Variants in MRPS18C observed in about 807,000 individuals in gnomAD.
MRPS18C encodes mitochondrial ribosomal protein S18C.
MRPS18C carries 21 observed loss-of-function variants against 21.0 expected under a neutral mutation model. The observed-to-expected ratio is 1.00, with a 90% CI of 0.71 to 1.44. The LOEUF (loss-of-function observed/expected upper bound fraction) is 1.44, where lower values mean the gene tolerates loss of function less well. MRPS18C is among the 40% of genes most tolerant of loss of function. The probability of loss-of-function intolerance (pLI) is 0.00; values close to 1 mark genes in which losing one functional copy is unlikely to be tolerated. For synonymous variants in MRPS18C, 65 were observed against 54.3 expected (o/e 1.20, Z -0.87); for missense variants, 152 against 171.5 (o/e 0.89, Z 0.64).
At chr4:83,457,617 T>C (rs142565174) in intron 2 of MRPS18C, 1 of 152,284 alleles carries the variant, frequency 6.6e-6, no homozygotes, top group Non-Finnish European at 1.5e-5. Context: ...TAAAGGGACA[T>C]TATTTCTTTT....
At position 83,456,963 on chromosome 4, in the gene MRPS18C, G is replaced by C. The variant is rs1460047703; in HGVS notation, c.150+5G>C. On this transcript the variant is annotated splice_donor_5th_base_variant and intron_variant, in intron 2 of 5. Transcript: ENST00000295491. ...GTATCCAGCAATGAGGACCTGGTAA[G>C]AATTTTTTTTTCTATTAGTAAGGCC... 4 of 1,610,804 alleles carry C rather than the reference G, an allele frequency of 2.5e-6. No individual in the cohort carries two copies. Among genetic ancestry groups the C allele is most frequent in the Non-Finnish European group, 3.4e-6 (4 of 1,179,480 alleles).
At chr4:83,459,068 C>A (rs1721974613) in intron 3 of MRPS18C, 1 of 150,758 alleles carries the variant, frequency 6.6e-6, no homozygotes, top group South Asian at 2.1e-4. Context: ...TTTGCTTGAA[C>A]CCAGGAGGCG....
chr4:83,459,054 G>C lies in MRPS18C; in HGVS notation c.234+625G>C, dbSNP rs1409320967. 2.0e-5 allele frequency: 3 copies of C among 150,950 alleles called. No individual in the cohort carries two copies. The Admixed American group carries it at 2.0e-4, about 10-fold the overall frequency. The allele number at this position is 150,950 out of a possible 1,614,324, so 9.4% of individuals were successfully genotyped here. On this transcript the variant is annotated intron_variant, in intron 3 of 5. Transcript: ENST00000295491. ...CCAGCTACTTGGGAGGCTGAGGCAG[G>C]AGATTTGCTTGAACCCAGGAGGCGG...
Position 83,462,253 on chromosome 4 carries a change from A to T in MRPS18C, c.*1056A>T. ...GCCTTCCCCTCAACAACTTAGTGAA[A>T]GGTGAAAAAAAGGTTTGGAAATAAA... is the stretch of plus-strand genomic sequence containing the variant. On this transcript the variant is annotated 3_prime_UTR_variant, in exon 6 of 6. Transcript: ENST00000295491. 1 of 509,516 alleles carries T rather than the reference A, an allele frequency of 2.0e-6. No individual in the cohort carries two copies. The highest frequency in any genetic ancestry group is 3.5e-6 in the Non-Finnish European group (1 of 288,842). The allele number at this position is 509,516 out of a possible 1,614,324, so 31.6% of individuals were successfully genotyped here.
Position 83,458,360 on chromosome 4 carries a change from A to C in MRPS18C, c.165A>C (p.Glu55Asp). 3 of 1,600,328 alleles carry C rather than the reference A, an allele frequency of 1.9e-6. No homozygotes were observed. The highest frequency in any genetic ancestry group is 1.7e-6 in the Non-Finnish European group (2 of 1,169,406). ...TTTTTCCCTAGCCCATTTCAATGGA[A>C]AATCCTTATAAAGAACCTCTTAAGA... ...SSNEDLPISM[E>D]NPYKEPLKKC... The change falls in exon 3 of 6, where the codon GAA (glutamate) becomes GAC (aspartate). Residue 55 changes from glutamate (E) to aspartate (D), a missense_variant. Transcript: ENST00000295491.
intron 2 of MRPS18C, chr4:83,457,239 G>T: frequency 3.3e-6 from 1 of 303,668 alleles, no homozygotes; most frequent in Non-Finnish European, 6.0e-6. Flanking sequence ...TTAAATTTAA[G>T]GATATGTGAT....
At chr4:83,458,490 G>A in intron 3 of MRPS18C, 61 bp downstream of exon 3, 3 of 1,300,138 alleles carry the variant, frequency 2.3e-6, no homozygotes, top group East Asian at 4.9e-5. Context: ...TCTGCTTAAA[G>A]AGAATCAAGT....
At chr4:83,458,299 T>A (rs2110027604) in intron 2 of MRPS18C, 47 bp from the exon 3 acceptor site, 1 of 1,307,364 alleles carries the variant, frequency 7.6e-7, no homozygotes, top group Non-Finnish European at 1.1e-6. Flanking sequence ...CTTTTAAAAT[T>A]CAGAATTAAC....
Position 83,461,970 on chromosome 4 carries a change from A to G in MRPS18C, c.*773A>G, listed in dbSNP as rs1401892374. On this transcript the variant is annotated 3_prime_UTR_variant, in exon 6 of 6. Transcript: ENST00000295491. ...ACTCTAGCCATAATGTACTTCTAAA[A>G]AAGTATCACTTAAGGAGAATTTTAA... The G allele has an allele frequency of 1.3e-5, 3 of 229,372 alleles. No individual in the cohort carries two copies. The highest frequency in any genetic ancestry group is 2.6e-5 in the Non-Finnish European group (3 of 115,784). The allele number at this position is 229,372 out of a possible 1,614,324, so 14.2% of individuals were successfully genotyped here.
Position 83,461,330 on chromosome 4 carries a change from C to A in MRPS18C, c.*133C>A. 1.4e-6 allele frequency: 1 copy of A among 704,602 alleles called. No individual in the cohort carries two copies. The highest frequency in any genetic ancestry group is 2.5e-6 in the Non-Finnish European group (1 of 397,580). 43.6% of individuals were successfully genotyped at this position (704,602 alleles called of 1,614,324 possible). ...AAAGAATGACACTTCCCCTTCATACCAATGTCCATTAAGCAGATTGCTTAT... is the reference window on the plus strand; with the variant it reads ...AAAGAATGACACTTCCCCTTCATACAAATGTCCATTAAGCAGATTGCTTAT... On this transcript the variant is annotated 3_prime_UTR_variant, in exon 6 of 6. Transcript: ENST00000295491.
At position 83,456,097 on chromosome 4, in the gene MRPS18C, T is replaced by C. The variant is rs751024623; in HGVS notation, c.20T>C (p.Val7Ala). Residue 7 changes from valine (V) to alanine (A), a missense_variant, in exon 1 of 6, where the codon GTT (valine) becomes GCT (alanine). By Grantham distance (64) the Val-to-Ala change is moderately conservative (BLOSUM62 0). This residue lies in a region of MRPS18C where 118 missense variants were observed against 104.4 expected (regional missense o/e 1.13). Transcript: ENST00000295491. ...GGAACCATGGCCGCTGTGGTTGCTG[T>C]TTGCGGTGGTCTAGGGAGGAAGAAG... MAAVVA[V>A]CGGLGRKKLT... 2.5e-6 allele frequency: 4 copies of C among 1,612,692 alleles called. No individual in the cohort carries two copies. The highest frequency in any genetic ancestry group is 1.1e-5 in the South Asian group (1 of 91,018).
chr4:83,456,837 A>G, intron 1 of MRPS18C, 72 bp from the exon 2 acceptor site: 1 of 1,528,124 alleles, frequency 6.5e-7, no homozygotes, highest in Non-Finnish European at 8.9e-7. Flanking sequence ...TCCTGTCTCC[A>G]TAAAAACAAA....
intron 2 of MRPS18C, chr4:83,457,201 TATA>T (rs1721877407): frequency 2.7e-6 from 1 of 369,602 alleles, no homozygotes; most frequent in Admixed American, 4.6e-5. Context: ...GCAAAGCTGC[TATA>T]ATACCATATT....
intron 1 of MRPS18C, among the ~76,000 whole-genome samples, chr4:83,456,475 C>T (rs549255208): frequency 6.7e-6 from 1 of 148,750 alleles, no homozygotes; most frequent in Non-Finnish European, 1.5e-5. Context: ...CAGCAAATTC[C>T]AGATGTCTAA....
chr4:83,456,258 G>A, intron 1 of MRPS18C, 81 bp downstream of exon 1: 3 of 969,734 alleles, frequency 3.1e-6, no homozygotes, highest in Non-Finnish European at 4.8e-6. Context: ...GTCCCTGTTA[G>A]CAAAACGACT....
In MRPS18C at chr4:83,456,206, G is replaced by A. The variant is rs758731084; in HGVS notation, c.100+29G>A. On this transcript the variant is annotated intron_variant, in intron 1 of 5. Coordinates refer to ENST00000295491, the MANE Select transcript of MRPS18C (RefSeq NM_016067.4). Reference sequence around the variant, plus strand: ...AAGTCTCCATATCCTATGCTCCATTGTAGCGCTGCAGGCATTAACCTTAGT... The same window carrying A: ...AAGTCTCCATATCCTATGCTCCATTATAGCGCTGCAGGCATTAACCTTAGT... The A allele has an allele frequency of 1.9e-6, 3 of 1,583,270 alleles. No individual in the cohort carries two copies. The Admixed American group carries it at 5.0e-5, about 26-fold the overall frequency.
chr4:83,458,585 T>G, intron 3 of MRPS18C, 156 bp downstream of exon 3: 1 of 530,136 alleles, frequency 1.9e-6, no homozygotes, highest in Non-Finnish European at 3.2e-6. Context: ...TATAAGCTTA[T>G]CTCTGCTTTA....
At position 83,461,565 on chromosome 4, in the gene MRPS18C, T is replaced by C. The variant is rs894774303; in HGVS notation, c.*368T>C. The C allele has an allele frequency of 2.6e-5, 8 of 312,274 alleles. No individual in the cohort carries two copies. Among genetic ancestry groups the C allele is most frequent in the African/African-American group, 1.7e-4 (8 of 48,376 alleles). The allele number at this position is 312,274 out of a possible 1,614,324, so 19.3% of individuals were successfully genotyped here. ...TGTAGAAATGTTACATTGGGATGGA[T>C]AGTGGTGCTGTCACAGAAGGACAAA... is the stretch of plus-strand genomic sequence containing the variant. On this transcript the variant is annotated 3_prime_UTR_variant, in exon 6 of 6. Coordinates refer to ENST00000295491, the MANE Select transcript of MRPS18C (RefSeq NM_016067.4).
In MRPS18C at chr4:83,462,268, T is replaced by G. The variant is rs1722147515; in HGVS notation, c.*1071T>G. On this transcript the variant is annotated 3_prime_UTR_variant, in exon 6 of 6. Coordinates refer to ENST00000295491, the MANE Select transcript of MRPS18C (RefSeq NM_016067.4). ...ACTTAGTGAAAGGTGAAAAAAAGGT[T>G]TGGAAATAAAAGCATCTGATGTTTG... The G allele has an allele frequency of 9.3e-6, 5 of 539,288 alleles. No homozygotes were observed. Among genetic ancestry groups the G allele is most frequent in the Non-Finnish European group, 1.6e-5 (5 of 308,846 alleles). 33.4% of individuals were successfully genotyped at this position (539,288 alleles called of 1,614,324 possible).
Sources: gnomAD v4.1 joint callset for allele counts (sites outside exome capture counted in the v4.1 genomes callset) on GRCh38, gnomAD v4.1.1 for gene constraint, gnomAD v4.1.1 regional missense constraint, MANE v1.5 for transcripts, NCBI Gene and HGNC (gene_info 2026-07-23, HGNC 2026-07-21) for gene names.